Variants in RAD50 observed in about 807,000 individuals in gnomAD.
RAD50 encodes the protein RAD50 double strand break repair protein, also known as DNA repair protein RAD50.
RAD50 carries 132 observed loss-of-function variants against 168.8 expected under a neutral mutation model. That is an observed-to-expected ratio of 0.78 (90% CI 0.68 to 0.90). The LOEUF (loss-of-function observed/expected upper bound fraction) is 0.90. Among genes scored for constraint, RAD50 ranks in the 40% least tolerant of loss-of-function variants. RAD50 has a pLI of 0.00. For synonymous variants in RAD50, 525 were observed against 497.4 expected (o/e 1.06, Z -0.74); for missense variants, 1,347 against 1,534.4 (o/e 0.88, Z 2.04).
chr5:132,642,101 A>C (rs781207986), intron 24 of RAD50, 77 bp from the exon 25 acceptor site: 8 of 1,453,516 alleles, frequency 5.5e-6, no homozygotes, highest in Non-Finnish European at 7.7e-6. Context: ...GTGTCTGACA[A>C]GGTTTGCGGT....
Position 132,609,104 on chromosome 5 carries a change from T to A in RAD50, c.2830-13T>A. ...GTACAACCAGTGTAAATTTAATGAA[T>A]ATTTTTCTACAGCTGAATGATATTA... On this transcript the variant is annotated splice_polypyrimidine_tract_variant and intron_variant, in intron 17 of 24. Coordinates refer to ENST00000378823, the MANE Select transcript of RAD50 (RefSeq NM_005732.4). 1 of 1,609,910 alleles carries A rather than the reference T, an allele frequency of 6.2e-7. No homozygotes were observed. Among genetic ancestry groups the A allele is most frequent in the Non-Finnish European group, 8.5e-7 (1 of 1,178,662 alleles).
At chr5:132,599,530 A>G (rs1036589798) in intron 13 of RAD50, among the ~76,000 whole-genome samples, 1 of 152,150 alleles carries the variant, frequency 6.6e-6, no homozygotes, top group Non-Finnish European at 1.5e-5. Context: ...AAATCCACAA[A>G]TGAAAGGTCA....
intron 13 of RAD50, 32 bp downstream of exon 13, chr5:132,595,842 T>TAAGTGA: frequency 6.5e-7 from 1 of 1,541,648 alleles, no homozygotes; most frequent in Non-Finnish European, 8.9e-7. Flanking sequence ...ACTGTACATG[T>TAAGTGA]AGCAGCACAT....
chr5:132,582,952 G>A (rs1487234506), intron 5 of RAD50, among the ~76,000 whole-genome samples: 1 of 152,200 alleles, frequency 6.6e-6, no homozygotes, highest in Non-Finnish European at 1.5e-5. Context: ...AAGGAATGAA[G>A]CAGGTAGAGA....
intron 1 of RAD50, among the ~76,000 whole-genome samples, chr5:132,558,872 A>G (rs1750068128): frequency 6.6e-6 from 1 of 152,186 alleles, no homozygotes; most frequent in Admixed American, 6.5e-5. Flanking sequence ...ATGCAGCTGC[A>G]CTGCAGCCTG....
intron 21 of RAD50, among the ~76,000 whole-genome samples, chr5:132,620,088 G>T (rs536212495): frequency 6.6e-6 from 1 of 151,758 alleles, no homozygotes; most frequent in Admixed American, 6.6e-5. Flanking sequence ...TGCATTTTTA[G>T]TAGAGATGGG....
At position 132,642,929 on chromosome 5, in the gene RAD50, T is replaced by G. The variant is rs1365189845; in HGVS notation, c.*565T>G. 4.3e-6 allele frequency: 2 copies of G among 461,948 alleles called. No homozygotes were observed. The highest frequency in any genetic ancestry group is 5.2e-5 in the Admixed American group (2 of 38,442). The allele number at this position is 461,948 out of a possible 1,614,324, so 28.6% of individuals were successfully genotyped here. On this transcript the variant is annotated 3_prime_UTR_variant, in exon 25 of 25. Coordinates refer to ENST00000378823, the MANE Select transcript of RAD50 (RefSeq NM_005732.4). ...AAATTTGAAGTAGTTGAATGGGGTC[T>G]CAAAGTTTGACAGGAACCTTAAGTA...
chr5:132,582,152 T>A (rs1750516293), intron 5 of RAD50, among the ~76,000 whole-genome samples: 1 of 152,234 alleles, frequency 6.6e-6, no homozygotes, highest in Non-Finnish European at 1.5e-5. Context: ...TCCATATTGT[T>A]GAAATGAAGC....
intron 13 of RAD50, among the ~76,000 whole-genome samples, chr5:132,602,944 G>T (rs527505562): frequency 8.7e-4 from 132 of 152,270 alleles, no homozygotes; most frequent in African/African-American, 3.0e-3. Flanking sequence ...AAACACCACA[G>T]TAATAATTAT....
chr5:132,637,971 T>C lies in RAD50; in HGVS notation c.3476-110T>C, dbSNP rs2074369. 0.23 allele frequency: 287,071 copies of C among 1,229,542 alleles called. 39,366 individuals are homozygous for C. Among genetic ancestry groups the C allele is most frequent in the African/African-American group, 0.61 (40,643 of 66,710 alleles). The allele number at this position is 1,229,542 out of a possible 1,614,324, so 76.2% of individuals were successfully genotyped here. On this transcript the variant is annotated intron_variant, in intron 22 of 24. Coordinates refer to ENST00000378823, the MANE Select transcript of RAD50 (RefSeq NM_005732.4). ...GTTTCCACACCAGCCATTGTTTTCC[T>C]CTGGTAATGTCAGCCTCATCTGTTG... is the stretch of plus-strand genomic sequence containing the variant.
At chr5:132,630,598 C>G (rs1233337022) in intron 21 of RAD50, 4 of 152,178 alleles carry the variant, frequency 2.6e-5, no homozygotes, top group African/African-American at 9.7e-5. Context: ...GTGTTTCACA[C>G]CTAAACAAAT....
chr5:132,560,096 C>T (rs1328612281), intron 2 of RAD50, among the ~76,000 whole-genome samples: 2 of 151,462 alleles, frequency 1.3e-5, no homozygotes, highest in Middle Eastern at 3.4e-3. Context: ...ATAGTTTATT[C>T]GTTTTTAGTG....
rs1457634174 is a variant in RAD50 at position 132,618,063 on chromosome 5, T to G, written c.3165-7T>G. ...TGGTCCTCATTTGTCATTTTTCTTT[T>G]TTACAGTGAACATCAGAAGTTGGAA... On this transcript the variant is annotated splice_polypyrimidine_tract_variant and splice_region_variant and intron_variant, in intron 20 of 24. Transcript: ENST00000378823. The G allele has an allele frequency of 1.2e-6, 2 of 1,610,848 alleles. No homozygotes were observed. Among genetic ancestry groups the G allele is most frequent in the Admixed American group, 3.3e-5 (2 of 60,000 alleles).
At position 132,557,330 on chromosome 5, in the gene RAD50, C is replaced by T. The variant is rs2149830047; in HGVS notation, c.6C>T (p.Ser2=). Residue 2 remains serine (S), a synonymous_variant, in exon 1 of 25, where the codon TCC becomes TCT. Transcript: ENST00000378823. Reference sequence around the variant, plus strand: ...GATTAGAAACGTTTGCAAACATGTCCCGGATCGAAAAGATGAGCATTCTGG... The same window carrying T: ...GATTAGAAACGTTTGCAAACATGTCTCGGATCGAAAAGATGAGCATTCTGG... M[S]RIEKMSILGV... 6.2e-7 allele frequency: 1 copy of T among 1,614,148 alleles called. No individual in the cohort carries two copies. Among genetic ancestry groups the T allele is most frequent in the African/African-American group, 1.3e-5 (1 of 75,060 alleles).
chr5:132,641,891 T>C, intron 24 of RAD50: 1 of 411,878 alleles, frequency 2.4e-6, no homozygotes, highest in African/African-American at 2.0e-5. Context: ...ATACCTGCTT[T>C]AGTGAGAACT....
intron 2 of RAD50, among the ~76,000 whole-genome samples, chr5:132,570,350 T>A (rs1750280847): frequency 1.3e-5 from 2 of 152,194 alleles, no homozygotes; most frequent in Admixed American, 1.3e-4. Flanking sequence ...ACTAGAAAAT[T>A]ACTATAGGCA....
chr5:132,563,995 G>C (rs1043567510), intron 2 of RAD50, among the ~76,000 whole-genome samples: 4 of 152,098 alleles, frequency 2.6e-5, no homozygotes, highest in Admixed American at 2.6e-4. Flanking sequence ...TGAGGCCTCC[G>C]CAGTCATGCT....
rs1561648121 is a variant in RAD50, at chr5:132,610,664, A to G, written c.3036+1268A>G. On this transcript the variant is annotated intron_variant, in intron 19 of 24. Coordinates refer to ENST00000378823, the MANE Select transcript of RAD50 (RefSeq NM_005732.4). ...ACCAAGAATTTCAAATATATGAAATATCAGTCAAAGGGAGATCAAATCTCT... is the reference window on the plus strand; with the variant it reads ...ACCAAGAATTTCAAATATATGAAATGTCAGTCAAAGGGAGATCAAATCTCT... 2.0e-5 allele frequency among the ~76,000 whole-genome samples: 3 copies of G among 152,318 alleles called. No homozygotes were observed. The South Asian group carries it at 6.2e-4, about 32-fold the overall frequency.
At chr5:132,588,662 AATT>A in intron 7 of RAD50, 22 bp from the exon 8 acceptor site, 1 of 1,604,600 alleles carries the variant, frequency 6.2e-7, no homozygotes, top group Non-Finnish European at 8.5e-7. Flanking sequence ...TTGAAAAAAA[AATT>A]ATGAGATTTT....
Sources: gnomAD v4.1 joint callset for allele counts (sites outside exome capture counted in the v4.1 genomes callset) on GRCh38, gnomAD v4.1.1 for gene constraint, MANE v1.5 for transcripts, NCBI Gene and HGNC (gene_info 2026-07-23, HGNC 2026-07-21) for gene names.